RAI1: variants seen among roughly 807,000 people sequenced by gnomAD.
RAI1 encodes the protein retinoic acid induced 1.
RAI1 carries 9 observed loss-of-function variants against 123.8 expected under a neutral mutation model. The observed-to-expected ratio is 0.07, with a 90% CI of 0.04 to 0.13. The LOEUF is 0.13. Ranked by LOEUF, RAI1 falls within the 10% of genes least tolerant of loss-of-function variation. The pLI is 1.00. For synonymous variants in RAI1, 1,231 were observed against 1,127.3 expected, an observed-to-expected ratio of 1.09 and a Z score of -1.84; for missense variants, 2,256 against 2,545.8, an observed-to-expected ratio of 0.89 and a Z score of 2.45.
intron 2 of RAI1, among the ~76,000 whole-genome samples, chr17:17,737,584 A>G (rs1916476466): frequency 6.6e-6 from 1 of 152,106 alleles, no homozygotes; most frequent in African/African-American, 2.4e-5. Flanking sequence ...ATTTAATTCA[A>G]TTTTGTCAAG....
In RAI1 at chr17:17,795,174, C is replaced by T. The variant is rs774101719; in HGVS notation, c.2226C>T (p.Asn742=). 1.9e-6 allele frequency: 3 copies of T among 1,613,950 alleles called. No homozygotes were observed. Among genetic ancestry groups the T allele is most frequent in the Non-Finnish European group, 2.5e-6 (3 of 1,180,036 alleles). Residue 742 remains asparagine (N), a synonymous_variant, in exon 3 of 6, where the codon AAC becomes AAT. Coordinates refer to ENST00000353383, the MANE Select transcript of RAI1 (RefSeq NM_030665.4). This position sits in a 1 kb window ranked among gnomAD's most constrained non-coding sequence, Gnocchi z 5.9. ...CTGCCAGCTCAGCGGACAGCGCCAA[C>T]CCCTTTGCCTGGCCAGAGGAAAACC... The part of the protein sequence containing the change: ...TTAASSADSA[N]PFAWPEENLG...
intron 2 of RAI1, among the ~76,000 whole-genome samples, chr17:17,788,528 G>A (rs188321455): frequency 1.4e-3 from 207 of 152,274 alleles, no homozygotes; most frequent in Admixed American, 4.0e-3. Flanking sequence ...CCTCTGCCCT[G>A]TCCTCAGCTT....
chr17:17,758,337 A>G (rs373970474), intron 2 of RAI1, among the ~76,000 whole-genome samples: 1 of 152,126 alleles, frequency 6.6e-6, no homozygotes, highest in African/African-American at 2.4e-5. Flanking sequence ...AGCTGAAAGG[A>G]GGTCCCAGCT....
intron 2 of RAI1, among the ~76,000 whole-genome samples, chr17:17,768,162 T>C (rs2031011584): frequency 6.6e-6 from 1 of 152,214 alleles, no homozygotes; most frequent in Non-Finnish European, 1.5e-5. Flanking sequence ...TTCAGCAGAA[T>C]GCCTGGGACG....
chr17:17,752,106 C>G (rs1245506279), intron 2 of RAI1, among the ~76,000 whole-genome samples: 1 of 152,206 alleles, frequency 6.6e-6, no homozygotes, highest in Non-Finnish European at 1.5e-5. Context: ...GAAGTGGAGG[C>G]CCAGGGTCTT....
chr17:17,774,763 C>T (rs1035823272), intron 2 of RAI1, among the ~76,000 whole-genome samples: 10 of 152,262 alleles, frequency 6.6e-5, no homozygotes, highest in South Asian at 2.1e-4. Context: ...AACTTAGTTG[C>T]GCCCTCCTCT....
Position 17,685,575 on chromosome 17 carries a change from CAGAA to C in RAI1, c.-149+3787_-149+3790del, listed in dbSNP as rs755341171. On this transcript the variant is annotated intron_variant, in intron 1 of 5. Coordinates refer to ENST00000353383, the MANE Select transcript of RAI1 (RefSeq NM_030665.4). The surrounding 1 kb of genome is among the most constrained non-coding windows in gnomAD (Gnocchi z 4.0). ...CCAAACAAGAGGGGAGGACTTGGCTCAGAAAGAATGGTGGCGGAAGAGGTTGGGC... is the reference window on the plus strand; with the variant it reads ...CCAAACAAGAGGGGAGGACTTGGCTCAGAATGGTGGCGGAAGAGGTTGGGC... Among the ~76,000 whole-genome samples, 3 of 152,212 alleles carry C rather than the reference CAGAA, an allele frequency of 2.0e-5. No homozygotes were observed. The highest frequency in any genetic ancestry group is 4.4e-5 in the Non-Finnish European group (3 of 68,036).
chr17:17,713,371 G>A (rs1915621399), intron 1 of RAI1, among the ~76,000 whole-genome samples: 1 of 152,136 alleles, frequency 6.6e-6, no homozygotes. Context: ...CAGCTGCAGT[G>A]GCTCATGCCT....
intron 1 of RAI1, among the ~76,000 whole-genome samples, chr17:17,711,939 G>A (rs752266964): frequency 7.2e-5 from 11 of 152,228 alleles, no homozygotes; most frequent in Non-Finnish European, 1.6e-4. Flanking sequence ...GCTGTCACGC[G>A]GTGTCCGGCC....
chr17:17,770,379 A>C (rs2031105652), intron 2 of RAI1, among the ~76,000 whole-genome samples: 1 of 152,196 alleles, frequency 6.6e-6, no homozygotes, highest in Non-Finnish European at 1.5e-5. Context: ...CATTAGCTGC[A>C]GGGAGACGGC....
intron 2 of RAI1, among the ~76,000 whole-genome samples, chr17:17,775,014 A>C (rs2031286867): frequency 6.6e-6 from 1 of 152,154 alleles, no homozygotes; most frequent in African/African-American, 2.4e-5. Context: ...AGCCCAGCCC[A>C]GCTTCTGGTT....
intron 1 of RAI1, among the ~76,000 whole-genome samples, chr17:17,696,228 A>G (rs191162855): frequency 6.6e-6 from 1 of 152,328 alleles, no homozygotes; most frequent in Non-Finnish European, 1.5e-5. Context: ...TGATACATCT[A>G]CGGAGTCATG....
At chr17:17,735,354 T>A (rs1188377528) in intron 2 of RAI1, among the ~76,000 whole-genome samples, 12 of 121,660 alleles carry the variant, frequency 9.9e-5, no homozygotes, top group African/African-American at 4.0e-4. Context: ...ATGCCCAGCC[T>A]TTTTTTTTTT....
At chr17:17,713,429 CAG>C (rs1198985739) in intron 1 of RAI1, among the ~76,000 whole-genome samples, 2 of 152,148 alleles carry the variant, frequency 1.3e-5, no homozygotes, top group African/African-American at 4.8e-5. Context: ...CACCTGAGGT[CAG>C]GGGTTCGAGA....
intron 3 of RAI1, 46 bp from the exon 4 acceptor site, chr17:17,803,710 T>C (rs754832747): frequency 1.3e-6 from 2 of 1,562,730 alleles, no homozygotes; most frequent in Non-Finnish European, 1.8e-6. Context: ...GCTTGAGGGC[T>C]GGGCTCCAAC....
chr17:17,771,642 G>A (rs1295521039), intron 2 of RAI1, among the ~76,000 whole-genome samples: 5 of 152,296 alleles, frequency 3.3e-5, no homozygotes, highest in South Asian at 2.1e-4. Flanking sequence ...CATGGCCACC[G>A]CCTCCCGCCT....
intron 2 of RAI1, chr17:17,776,973 C>T (rs1199979340): frequency 6.6e-6 from 1 of 152,182 alleles, no homozygotes; most frequent in Non-Finnish European, 1.5e-5. Flanking sequence ...CCTGTACACA[C>T]TTTCTACACT....
At chr17:17,792,854 C>A in intron 2 of RAI1, 79 bp from the exon 3 acceptor site, 1 of 1,152,782 alleles carries the variant, frequency 8.7e-7, no homozygotes, top group Non-Finnish European at 1.3e-6. Context: ...CCGTCTGAAT[C>A]GCTCATCCTC....
intron 2 of RAI1, among the ~76,000 whole-genome samples, chr17:17,755,765 C>T (rs2030414437): frequency 6.6e-6 from 1 of 152,178 alleles, no homozygotes; most frequent in Admixed American, 6.5e-5. Context: ...CTGACAAAGC[C>T]CAGCTCCTCC....
Sources: gnomAD v4.1 joint callset for allele counts (sites outside exome capture counted in the v4.1 genomes callset) on GRCh38, gnomAD v4.1.1 for gene constraint, Gnocchi (gnomAD v3.1) non-coding constraint, MANE v1.5 for transcripts, NCBI Gene and HGNC (gene_info 2026-07-23, HGNC 2026-07-21) for gene names.